The following COL20A1 variants were observed in gnomAD, a reference collection of about 807,000 sequenced individuals.
COL20A1 encodes the protein collagen alpha-1(XX) chain.
Under a neutral mutation model 152.9 loss-of-function variants are expected in COL20A1, and 164 were observed. The observed-to-expected ratio is 1.07, with a 90% CI of 0.94 to 1.22. COL20A1 has a LOEUF of 1.22. COL20A1 is among the 50% of genes most tolerant of loss of function. COL20A1 has a pLI of 0.00. For synonymous variants in COL20A1, 864 were observed against 756.0 expected (o/e 1.14, Z -2.34); for missense variants, 1,873 against 1,744.8 (o/e 1.07, Z -1.31).
rs774237035 is a variant in COL20A1, at chr20:63,311,991, C to T, written c.1739C>T (p.Ala580Val). 4.4e-6 allele frequency: 7 copies of T among 1,604,358 alleles called. No homozygotes were observed. The highest frequency in any genetic ancestry group is 5.1e-6 in the Non-Finnish European group (6 of 1,176,766). Residue 580 changes from alanine (A) to valine (V), a missense_variant, in exon 14 of 36, where the codon GCC (alanine) becomes GTC (valine). Transcript: ENST00000358894. The surrounding 1 kb of genome is among the most constrained non-coding windows in gnomAD (Gnocchi z 4.4). ...GCGGCACGAGTGTTCTGGGAGGGTG[C>T]CCCGAGGCCTGTGCGCCTGGTCAGG... Reference protein sequence around the residue: ...HDAARVFWEGAPRPVRLVRVT... With the variant: ...HDAARVFWEGVPRPVRLVRVT...
At chr20:63,330,233 G>C (rs1438571016) in intron 35 of COL20A1, among the ~76,000 whole-genome samples, 1 of 152,160 alleles carries the variant, frequency 6.6e-6, no homozygotes, top group Non-Finnish European at 1.5e-5. Flanking sequence ...TGTGGGGACA[G>C]GGTCCCAGGA....
chr20:63,303,857 C>T lies in COL20A1; in HGVS notation c.194-1560C>T, dbSNP rs376909539. On this transcript the variant is annotated intron_variant, in intron 3 of 35. Coordinates refer to ENST00000358894, the MANE Select transcript of COL20A1 (RefSeq NM_020882.4). ...TGCTGGCTCCTCCCTCCCTTCCTCC[C>T]TCCAGGTGTGCAGGTGTGGGTTCCA... 1.3e-4 allele frequency among the ~76,000 whole-genome samples: 20 copies of T among 149,664 alleles called. 1 individual carries two copies. The South Asian group carries it at 3.0e-3, about 23-fold the overall frequency.
chr20:63,321,808 T>G (rs1390722261), intron 26 of COL20A1, among the ~76,000 whole-genome samples: 1 of 152,170 alleles, frequency 6.6e-6, no homozygotes, highest in East Asian at 1.9e-4. Context: ...CTGAGCTCAG[T>G]GTCCACAGCC....
intron 30 of COL20A1, among the ~76,000 whole-genome samples, chr20:63,326,521 G>A (rs1407460280): frequency 6.6e-6 from 1 of 150,824 alleles, no homozygotes; most frequent in East Asian, 1.9e-4. Flanking sequence ...GGGACGTTTA[G>A]AGCAGCGTGC....
intron 29 of COL20A1, 47 bp from the exon 30 acceptor site, chr20:63,326,049 G>A (rs1296285789): frequency 1.3e-6 from 2 of 1,553,628 alleles, no homozygotes; most frequent in Non-Finnish European, 8.9e-7. Context: ...GGGAGGGCTG[G>A]GTACAGGTAC....
At chr20:63,304,994 G>A (rs1333023569) in intron 3 of COL20A1, among the ~76,000 whole-genome samples, 1 of 152,174 alleles carries the variant, frequency 6.6e-6, no homozygotes, top group Non-Finnish European at 1.5e-5. Context: ...AATACTTGCG[G>A]CTGGTCGGTC....
At chr20:63,302,729 C>T (rs1463081284) in intron 3 of COL20A1, among the ~76,000 whole-genome samples, 4 of 152,150 alleles carry the variant, frequency 2.6e-5, no homozygotes, top group Non-Finnish European at 4.4e-5. Flanking sequence ...AAGCAGTTTC[C>T]CCCTCTCCCT....
In COL20A1 at chr20:63,320,288, C is replaced by A. The variant is rs369251202; in HGVS notation, c.3076-3C>A. On this transcript the variant is annotated splice_polypyrimidine_tract_variant and splice_region_variant and intron_variant, in intron 24 of 35. Coordinates refer to ENST00000358894, the MANE Select transcript of COL20A1 (RefSeq NM_020882.4). ...GGGCTGAGCCGGCTCCCCTGCGTTG[C>A]AGTTTCAGCTCCAGATGCTGCAGAT... 1.0e-4 allele frequency: 168 copies of A among 1,609,550 alleles called. No homozygotes were observed. Among genetic ancestry groups the A allele is most frequent in the Non-Finnish European group, 1.4e-4 (163 of 1,179,798 alleles).
intron 21 of COL20A1, among the ~76,000 whole-genome samples, chr20:63,317,145 C>G (rs1384272726): frequency 6.6e-6 from 1 of 151,958 alleles, no homozygotes; most frequent in Non-Finnish European, 1.5e-5. Flanking sequence ...TGACCCTGAA[C>G]TGTGATATAA....
intron 6 of COL20A1, 147 bp from the exon 7 acceptor site, chr20:63,307,824 C>T (rs1234854297): frequency 7.6e-6 from 9 of 1,187,968 alleles, no homozygotes; most frequent in East Asian, 2.6e-5. Flanking sequence ...GGCCCTGGCT[C>T]TGCAAGCGTC....
In COL20A1 at chr20:63,322,043, T is replaced by C. The variant is rs2123426328; in HGVS notation, c.3241-15T>C. The C allele has an allele frequency of 6.6e-7, 1 of 1,510,768 alleles. No homozygotes were observed. The highest frequency in any genetic ancestry group is 2.6e-5 in the East Asian group (1 of 38,134). 93.6% of individuals were successfully genotyped at this position (1,510,768 alleles called of 1,614,324 possible). On this transcript the variant is annotated splice_polypyrimidine_tract_variant and intron_variant, in intron 26 of 35. Coordinates refer to ENST00000358894, the MANE Select transcript of COL20A1 (RefSeq NM_020882.4). ...GGGTAGTTCTGGGGGCTTAGCCCTG[T>C]TTGTGCCTCTGCAGGGCCTCCCTGG...
chr20:63,330,576 T>A (rs147564050), intron 35 of COL20A1, 144 bp from the exon 36 acceptor site: 1 of 152,378 alleles, frequency 6.6e-6, no homozygotes, highest in Non-Finnish European at 1.5e-5. Flanking sequence ...CCCATGGCTC[T>A]GCCCACTCAC....
In COL20A1 at chr20:63,306,080, G is replaced by A. The variant is rs115161445; in HGVS notation, c.496+41G>A. 934 of 1,523,002 alleles carry A rather than the reference G, an allele frequency of 6.1e-4. 3 individuals are homozygous for A. In the African/African-American group the frequency reaches 0.011, roughly 18 times the overall value. 94.3% of individuals were successfully genotyped at this position (1,523,002 alleles called of 1,614,324 possible). The stretch of plus-strand genomic sequence containing the variant: ...GAGAGAGTAAGTCTCCGGGGAGGGA[G>A]TGACCTTTGGTTTCCCACATTTCCC... On this transcript the variant is annotated intron_variant, in intron 5 of 35. Coordinates refer to ENST00000358894, the MANE Select transcript of COL20A1 (RefSeq NM_020882.4). The surrounding 1 kb of genome is among the most constrained non-coding windows in gnomAD (Gnocchi z 6.9).
At chr20:63,312,655 G>A in intron 15 of COL20A1, 106 bp downstream of exon 15, 2 of 1,464,164 alleles carry the variant, frequency 1.4e-6, no homozygotes, top group Non-Finnish European at 1.8e-6. Context: ...CTGGGTCAGT[G>A]CTGAGCCAGG....
rs752853236 is a variant in COL20A1, at chr20:63,313,143, G to A, written c.2103G>A (p.Thr701=). 102 of 1,611,090 alleles carry A rather than the reference G, an allele frequency of 6.3e-5. 2 individuals are homozygous for A. The Admixed American group carries it at 6.7e-4, about 11-fold the overall frequency. Residue 701 remains threonine, a synonymous_variant, in exon 17 of 36, where the codon ACG becomes ACA. Coordinates refer to ENST00000358894, the MANE Select transcript of COL20A1 (RefSeq NM_020882.4). The surrounding 1 kb of genome is among the most constrained non-coding windows in gnomAD (Gnocchi z 5.9). The stretch of plus-strand genomic sequence containing the variant: ...TCTCTGTCCCAGGGAACCTCGGCAC[G>A]GCCGTCCTGCCTGGCCTAGGGAGGC... ...HEISVPGNLG[T]AVLPGLGRHT... is the part of the protein sequence containing the mutation.
In COL20A1 at chr20:63,314,161, A is replaced by C; in HGVS notation, c.2448A>C (p.Ala816=). The change falls in exon 19 of 36, where the codon GCA becomes GCC. Residue 816 remains alanine (A), a synonymous_variant. Coordinates refer to ENST00000358894, the MANE Select transcript of COL20A1 (RefSeq NM_020882.4). ...GGGTCCTGGTCTCAGCTATCTATGC[A>C]GCAGGCAGGAGTGAGGCTGTGTCTG... ...KYRVLVSAIY[A]AGRSEAVSAT... 1 of 1,587,192 alleles carries C rather than the reference A, an allele frequency of 6.3e-7. No individual in the cohort carries two copies.
In COL20A1 at chr20:63,319,637, C is replaced by T; in HGVS notation, c.2916+41C>T. The T allele has an allele frequency of 7.0e-7, 1 of 1,419,754 alleles. No homozygotes were observed. 87.9% of individuals were successfully genotyped at this position (1,419,754 alleles called of 1,614,324 possible). On this transcript the variant is annotated intron_variant, in intron 23 of 35. Transcript: ENST00000358894. The surrounding 1 kb of genome is among the most constrained non-coding windows in gnomAD (Gnocchi z 4.4). ...GCGCCCCTCTCCCCCGTTCCCCCAG[C>T]TCTGGGGCAGCCCAGCCCCACAGGG...
chr20:63,296,444 G>A (rs1224661762), intron 2 of COL20A1, among the ~76,000 whole-genome samples: 1 of 152,260 alleles, frequency 6.6e-6, no homozygotes, highest in Non-Finnish European at 1.5e-5. Flanking sequence ...CAGGTGGGCT[G>A]GGGGCACTGA....
intron 7 of COL20A1, 82 bp from the exon 8 acceptor site, chr20:63,308,460 C>A: frequency 7.6e-7 from 1 of 1,307,612 alleles, no homozygotes; most frequent in Non-Finnish European, 1.0e-6. Flanking sequence ...AGAGGAGCAT[C>A]TCTGCTGTCC....
Sources: allele counts gnomAD v4.1 joint callset (sites outside exome capture counted in the v4.1 genomes callset), GRCh38; gene constraint gnomAD v4.1.1; non-coding constraint Gnocchi (gnomAD v3.1); transcripts MANE v1.5; gene names NCBI Gene and HGNC (gene_info 2026-07-23, HGNC 2026-07-21).